Variants in VWA8 observed in about 807,000 individuals in gnomAD.
VWA8 encodes von Willebrand factor A domain containing 8.
VWA8 carries 221 observed loss-of-function variants against 241.5 expected under a neutral mutation model. The ratio of observed to expected loss-of-function variants is 0.91; its 90% confidence interval spans 0.82 to 1.02. VWA8 has a LOEUF of 1.02. Among genes scored for constraint, VWA8 ranks in the 50% least tolerant of loss-of-function variants. The pLI is 0.00. For synonymous variants in VWA8, 852 were observed against 827.1 expected (o/e 1.03, Z -0.52); for missense variants, 2,322 against 2,328.7 (o/e 1.00, Z 0.06).
intron 2 of VWA8, among the ~76,000 whole-genome samples, chr13:41,944,081 G>A (rs1877726823): frequency 6.6e-6 from 1 of 151,174 alleles, no homozygotes; most frequent in East Asian, 1.9e-4. Context: ...CTCCAGCCTG[G>A]GCGACAGAGC....
At chr13:41,590,482 T>C (rs903708614) in intron 41 of VWA8, among the ~76,000 whole-genome samples, 158 bp downstream of exon 41, 1 of 150,498 alleles carries the variant, frequency 6.6e-6, no homozygotes, top group Non-Finnish European at 1.5e-5. Context: ...TTTATGGAGT[T>C]TTTCTTCTTC....
In VWA8 at chr13:41,811,327, G is replaced by T. The variant is rs370360481; in HGVS notation, c.1961C>A (p.Ala654Glu). The change falls in exon 17 of 45, where the codon GCG becomes GAG. Residue 654 changes from alanine to glutamate, a missense_variant. By Grantham distance (107) the Ala-to-Glu change is moderately radical. Transcript: ENST00000379310. ...ETQDPTAQSL[A>E]ASLSTRQLLR... is the part of the protein sequence containing the mutation. The stretch of plus-strand genomic sequence containing the variant: ...CAGTTGTCTGGTAGAAAGTGATGCC[G>T]CTAATGATTGTGCCTATCAAAAGAC... The T allele has an allele frequency of 1.9e-6, 3 of 1,608,556 alleles. No homozygotes were observed. The highest frequency in any genetic ancestry group is 2.6e-6 in the Non-Finnish European group (3 of 1,176,052).
At chr13:41,893,601 A>G (rs1401307163) in intron 4 of VWA8, among the ~76,000 whole-genome samples, 1 of 152,208 alleles carries the variant, frequency 6.6e-6, no homozygotes, top group Admixed American at 6.5e-5. Flanking sequence ...AAGTCAAAAT[A>G]TTGGCCGGGC....
intron 2 of VWA8, among the ~76,000 whole-genome samples, chr13:41,946,484 A>G (rs1255821031): frequency 3.3e-5 from 5 of 152,218 alleles, no homozygotes; most frequent in Non-Finnish European, 1.5e-5. Context: ...CTTTTAATGT[A>G]TAAAGATATA....
At chr13:41,571,365 C>CT in intron 43 of VWA8, among the ~76,000 whole-genome samples, 1 of 148,718 alleles carries the variant, frequency 6.7e-6, no homozygotes, top group Non-Finnish European at 1.5e-5. Context: ...CTCCCTCTCC[C>CT]CGGTCTCCCT....
chr13:41,739,461 A>G (rs2045549761), intron 21 of VWA8, among the ~76,000 whole-genome samples: 1 of 152,144 alleles, frequency 6.6e-6, no homozygotes, highest in Non-Finnish European at 1.5e-5. Context: ...TATAAGTTGC[A>G]TTTTGTATAT....
intron 26 of VWA8, among the ~76,000 whole-genome samples, chr13:41,708,532 C>T (rs2045297042): frequency 6.6e-6 from 1 of 152,202 alleles, no homozygotes; most frequent in African/African-American, 2.4e-5. Context: ...CCTACCATCT[C>T]ACAGGATGTT....
At chr13:41,623,454 C>T (rs1266005609) in intron 37 of VWA8, among the ~76,000 whole-genome samples, 2 of 152,162 alleles carry the variant, frequency 1.3e-5, no homozygotes, top group Non-Finnish European at 2.9e-5. Flanking sequence ...TGCATGCAAA[C>T]TAACTGATTC....
chr13:41,902,896 G>C (rs1875524407), intron 4 of VWA8, among the ~76,000 whole-genome samples: 1 of 152,024 alleles, frequency 6.6e-6, no homozygotes. Context: ...GCGTACAATG[G>C]GAATGATACT....
At chr13:41,793,179 A>G (rs149600965) in intron 17 of VWA8, among the ~76,000 whole-genome samples, 2 of 152,154 alleles carry the variant, frequency 1.3e-5, no homozygotes, top group Non-Finnish European at 2.9e-5. Context: ...TTACTAAGTT[A>G]TATTTGTTTT....
chr13:41,874,381 A>G (rs969388795), intron 9 of VWA8, among the ~76,000 whole-genome samples: 4 of 151,870 alleles, frequency 2.6e-5, no homozygotes, highest in African/African-American at 4.8e-5. Context: ...ATTAGGAAAA[A>G]AGGAAGTCAA....
In VWA8 at chr13:41,568,289, G is replaced by A. The variant is rs368832275; in HGVS notation, c.5626C>T (p.Pro1876Ser). The A allele has an allele frequency of 5.6e-6, 9 of 1,614,152 alleles. No homozygotes were observed. Among genetic ancestry groups the A allele is most frequent in the East Asian group, 2.2e-5 (1 of 44,886 alleles). The change falls in exon 45 of 45, where the codon CCA becomes TCA. Residue 1876 changes from proline to serine, a missense_variant. Coordinates refer to ENST00000379310, the MANE Select transcript of VWA8 (RefSeq NM_015058.2). ...DQATRLQRTL[P>S]AGRSFVAMDT... is the part of the protein sequence containing the mutation. ...ATGGCAACGAAAGACCGACCAGCTG[G>A]TAAAGTTCTCTGAAGCCTGCCAGGA...
intron 20 of VWA8, among the ~76,000 whole-genome samples, chr13:41,776,912 G>T (rs1170377107): frequency 6.6e-6 from 1 of 151,682 alleles, no homozygotes; most frequent in African/African-American, 2.4e-5. Flanking sequence ...AAGTTTGAGA[G>T]GCTAAATATA....
intron 2 of VWA8, among the ~76,000 whole-genome samples, chr13:41,946,099 C>G (rs1235076185): frequency 6.7e-6 from 1 of 149,254 alleles, no homozygotes; most frequent in East Asian, 2.0e-4. Context: ...AGTCCACAAA[C>G]AGTAAGAAGA....
chr13:41,754,950 A>T (rs918323830), intron 21 of VWA8, among the ~76,000 whole-genome samples: 1 of 151,940 alleles, frequency 6.6e-6, no homozygotes, highest in Non-Finnish European at 1.5e-5. Context: ...TCTTTTTTTT[A>T]TGGCCGAATA....
chr13:41,808,754 A>G (rs903192212), intron 17 of VWA8, among the ~76,000 whole-genome samples: 1 of 152,206 alleles, frequency 6.6e-6, no homozygotes, highest in Non-Finnish European at 1.5e-5. Flanking sequence ...AAACCTACCT[A>G]GAGCAACTGG....
In VWA8 at chr13:41,872,882, A is replaced by G. The variant is rs1445489033; in HGVS notation, c.1081-4405T>C. On this transcript the variant is annotated intron_variant, in intron 9 of 44. Transcript: ENST00000379310. ...GCTTGATGGGGATGGCATTGAATCT[A>G]TAAATTACCTTGGGCAGTATGGCCA... Among the ~76,000 whole-genome samples the G allele has an allele frequency of 2.6e-5, 4 of 152,052 alleles. No individual in the cohort carries two copies. In the East Asian group the frequency reaches 7.7e-4, roughly 29 times the overall value.
chr13:41,863,098 G>A (rs2183613), intron 12 of VWA8, among the ~76,000 whole-genome samples: 34,945 of 151,626 alleles, frequency 0.23, 5,013 homozygotes, highest in Non-Finnish European at 0.31. Context: ...GCTGGGGAAG[G>A]CAGACCCACC....
rs368169905 is a variant in VWA8 at position 41,711,641 on chromosome 13, A to G, written c.3116+7950T>C. Among the ~76,000 whole-genome samples, 90 of 152,238 alleles carry G rather than the reference A, an allele frequency of 5.9e-4. No homozygotes were observed. The East Asian group carries it at 7.2e-3, about 12-fold the overall frequency. ...TGTAATCCCAGCACTTTGGGAGGCCAAGGCGGGCAGATCACGAGGTCAGGA... is the reference window on the plus strand; with the variant it reads ...TGTAATCCCAGCACTTTGGGAGGCCGAGGCGGGCAGATCACGAGGTCAGGA... On this transcript the variant is annotated intron_variant, in intron 26 of 44. Transcript: ENST00000379310.
Sources: gnomAD v4.1 joint callset for allele counts (sites outside exome capture counted in the v4.1 genomes callset) on GRCh38, gnomAD v4.1.1 for gene constraint, MANE v1.5 for transcripts, NCBI Gene and HGNC (gene_info 2026-07-23, HGNC 2026-07-21) for gene names.